The following DACH2 variants were observed in gnomAD, a reference collection of about 807,000 sequenced individuals.
DACH2 encodes the protein dachshund family transcription factor 2, also known as dachshund homolog 2.
In DACH2, 17 loss-of-function variants were observed where a neutral mutation model predicts 35.8. The ratio of observed to expected loss-of-function variants is 0.48; its 90% CI spans 0.33 to 0.71. The LOEUF (loss-of-function observed/expected upper bound fraction) is 0.71. Ranked by LOEUF, DACH2 falls within the 30% of genes least tolerant of loss-of-function variation. DACH2 has a pLI of 0.02. For missense variants in DACH2, 469 were observed against 472.7 expected, an observed-to-expected ratio of 0.99 and a Z score of 0.07; for synonymous variants, 195 against 177.3, an observed-to-expected ratio of 1.10 and a Z score of -0.79.
intron 11 of DACH2, among the ~76,000 whole-genome samples, chrX:86,819,716 G>A (rs28709951): frequency 0.04 from 4,484 of 111,185 alleles, 246 homozygotes; most frequent in African/African-American, 0.14. Flanking sequence ...GATTGCCTGC[G>A]CCCAGATTGA....
At chrX:86,404,737 G>A (rs1034522644) in intron 2 of DACH2, among the ~76,000 whole-genome samples, 1 of 112,373 alleles carries the variant, frequency 8.9e-6, no homozygotes, top group South Asian at 3.7e-4. Flanking sequence ...CAGTGCCCCT[G>A]TGGAAACTCT....
intron 1 of DACH2, among the ~76,000 whole-genome samples, chrX:86,271,332 A>C (rs1009845018): frequency 8.9e-6 from 1 of 112,330 alleles, no homozygotes; most frequent in African/African-American, 3.2e-5. Flanking sequence ...ATTTCAAGGC[A>C]AATTCAAATT....
At chrX:86,612,575 G>A (rs1211581538) in intron 3 of DACH2, among the ~76,000 whole-genome samples, 2 of 111,704 alleles carry the variant, frequency 1.8e-5, no homozygotes, top group East Asian at 5.7e-4. Context: ...TGCTCTCTTT[G>A]TGGGTGTTGG....
intron 4 of DACH2, among the ~76,000 whole-genome samples, chrX:86,679,590 G>C (rs745602456): frequency 9.1e-4 from 90 of 98,420 alleles, no homozygotes; most frequent in African/African-American, 3.1e-3. Context: ...GGTTTTATAT[G>C]TCTCTCTCTC....
At position 86,641,573 on chromosome X, in the gene DACH2, G is replaced by A. The variant is rs192915535; in HGVS notation, c.641-9463G>A. Among the ~76,000 whole-genome samples, 4 of 111,695 alleles carry A rather than the reference G, an allele frequency of 3.6e-5. No homozygotes were observed. The East Asian group carries it at 1.1e-3, about 31-fold the overall frequency. On this transcript the variant is annotated intron_variant, in intron 3 of 11. Transcript: ENST00000373125. ...AAAACTTCCCAACCTTGCTAGAGAG[G>A]CCAACAGTCAAATTCAGCAAATACA...
At chrX:86,164,416 G>T (rs751869269) in intron 1 of DACH2, among the ~76,000 whole-genome samples, 1 of 111,459 alleles carries the variant, frequency 9.0e-6, no homozygotes, top group African/African-American at 3.3e-5. Context: ...TTCTTTTGCT[G>T]TGCAGAAGCT....
At position 86,743,071 on chromosome X, in the gene DACH2, C is replaced by T. The variant is rs144400981; in HGVS notation, c.1240+3189C>T. Among the ~76,000 whole-genome samples the T allele has an allele frequency of 4.8e-4, 53 of 111,269 alleles. 1 individual carries two copies. In the East Asian group the frequency reaches 0.01, roughly 22 times the overall value. On this transcript the variant is annotated intron_variant, in intron 7 of 11. Coordinates refer to ENST00000373125, the MANE Select transcript of DACH2 (RefSeq NM_053281.3). Reference sequence around the variant, plus strand: ...TTCACCATTTGCTGGTTATAGTTGACGGTTATATTTGACAAAACTGAGTTG... The same window carrying T: ...TTCACCATTTGCTGGTTATAGTTGATGGTTATATTTGACAAAACTGAGTTG...
chrX:86,624,730 G>A (rs1483380759), intron 3 of DACH2, among the ~76,000 whole-genome samples: 1 of 111,574 alleles, frequency 9.0e-6, no homozygotes, highest in African/African-American at 3.3e-5. Flanking sequence ...CTAGGGTGAT[G>A]TTTCTGTTCT....
intron 1 of DACH2, among the ~76,000 whole-genome samples, chrX:86,183,239 A>G (rs2031558046): frequency 8.9e-6 from 1 of 112,045 alleles, no homozygotes; most frequent in Non-Finnish European, 1.9e-5. Context: ...GAGAGAGGGC[A>G]TCCTTGACTT....
intron 1 of DACH2, among the ~76,000 whole-genome samples, chrX:86,300,550 G>A (rs183149599): frequency 9.3e-6 from 1 of 107,594 alleles, no homozygotes; most frequent in Non-Finnish European, 1.9e-5. Context: ...GAAGGGAGAG[G>A]GGGGAGGGAT....
intron 2 of DACH2, among the ~76,000 whole-genome samples, chrX:86,459,420 C>T (rs1315303379): frequency 9.0e-6 from 1 of 111,249 alleles, no homozygotes; most frequent in African/African-American, 3.3e-5. Context: ...TTAAACACAA[C>T]CTTTGCGCAC....
intron 2 of DACH2, among the ~76,000 whole-genome samples, chrX:86,380,225 C>T (rs944032259): frequency 2.7e-5 from 3 of 110,144 alleles, no homozygotes; most frequent in Non-Finnish European, 5.7e-5. Context: ...CAATTATAAT[C>T]GTTGTCTTAC....
intron 4 of DACH2, among the ~76,000 whole-genome samples, chrX:86,684,380 C>T (rs2040917573): frequency 9.0e-6 from 1 of 111,447 alleles, no homozygotes. Context: ...GTCTTGCCCT[C>T]TGCTTTTTGG....
chrX:86,539,174 T>C (rs762603164), intron 3 of DACH2, among the ~76,000 whole-genome samples: 2 of 110,954 alleles, frequency 1.8e-5, no homozygotes, highest in East Asian at 5.8e-4. Context: ...CTTCTTGTAA[T>C]AGTGAATGAG....
At chrX:86,283,584 T>C (rs1377768512) in intron 1 of DACH2, among the ~76,000 whole-genome samples, 1 of 110,182 alleles carries the variant, frequency 9.1e-6, no homozygotes, top group Non-Finnish European at 1.9e-5. Context: ...TGCAGGGAGA[T>C]GGATGAAGCT....
At chrX:86,671,131 A>G (rs905654614) in intron 4 of DACH2, among the ~76,000 whole-genome samples, 2 of 112,231 alleles carry the variant, frequency 1.8e-5, no homozygotes, top group African/African-American at 6.5e-5. Flanking sequence ...CCATATGAGT[A>G]TAAAATGGAC....
intron 3 of DACH2, among the ~76,000 whole-genome samples, chrX:86,535,122 TTA>T (rs1461335965): frequency 8.9e-6 from 1 of 111,836 alleles, no homozygotes; most frequent in Non-Finnish European, 1.9e-5. Flanking sequence ...TTGTTTAATT[TTA>T]TGTTTTTTTA....
At chrX:86,314,266 C>T (rs1334906309) in intron 1 of DACH2, among the ~76,000 whole-genome samples, 1 of 111,392 alleles carries the variant, frequency 9.0e-6, no homozygotes, top group Non-Finnish European at 1.9e-5. Context: ...CATTTAATTA[C>T]AACACTTTGG....
chrX:86,385,712 A>G (rs2036113093), intron 2 of DACH2, among the ~76,000 whole-genome samples: 1 of 110,869 alleles, frequency 9.0e-6, no homozygotes, highest in Non-Finnish European at 1.9e-5. Flanking sequence ...CATTAAAATC[A>G]CATTGTGCTT....
Sources: allele counts gnomAD v4.1 joint callset (sites outside exome capture counted in the v4.1 genomes callset), GRCh38; gene constraint gnomAD v4.1.1; transcripts MANE v1.5; gene names NCBI Gene and HGNC (gene_info 2026-07-23, HGNC 2026-07-21).